The following RBM27 variants were observed in gnomAD, a reference collection of about 807,000 sequenced individuals.
RBM27 encodes RNA-binding protein 27.
In RBM27, 22 loss-of-function variants were observed where a neutral mutation model predicts 135.3. The observed-to-expected ratio is 0.16, with a 90% CI of 0.12 to 0.23. The LOEUF (loss-of-function observed/expected upper bound fraction) is 0.23. Ranked by LOEUF, RBM27 falls within the 10% of genes least tolerant of loss-of-function variation. The pLI, the probability that RBM27 is intolerant of heterozygous loss-of-function variation, is 1.00. For synonymous variants in RBM27, 481 were observed against 442.4 expected (o/e 1.09, Z -1.10); for missense variants, 1,009 against 1,281.0 (o/e 0.79, Z 3.24).
At chr5:146,221,769 A>C (rs1329385347) in intron 2 of RBM27, among the ~76,000 whole-genome samples, 2 of 151,952 alleles carry the variant, frequency 1.3e-5, no homozygotes, top group Non-Finnish European at 2.9e-5. Flanking sequence ...ATTAATTTAA[A>C]CTCAAATTTA....
intron 14 of RBM27, among the ~76,000 whole-genome samples, chr5:146,266,789 C>T (rs1758636452): frequency 6.6e-6 from 1 of 151,950 alleles, no homozygotes; most frequent in African/African-American, 2.4e-5. Context: ...GAAAAGAAAC[C>T]AGCTAGGCTT....
At chr5:146,255,861 C>CTT (rs554082895) in intron 10 of RBM27, among the ~76,000 whole-genome samples, 2 of 143,494 alleles carry the variant, frequency 1.4e-5, no homozygotes, top group Non-Finnish European at 1.5e-5. Flanking sequence ...TCTTCTTCTT[C>CTT]TTTTTTTTTT....
intron 7 of RBM27, among the ~76,000 whole-genome samples, chr5:146,236,669 G>T (rs1299141544): frequency 6.6e-6 from 1 of 151,958 alleles, no homozygotes; most frequent in East Asian, 1.9e-4. Context: ...TGTTGCCCAG[G>T]TTGGAGTGCA....
At chr5:146,206,693 G>T (rs1419813912) in intron 1 of RBM27, among the ~76,000 whole-genome samples, 16 of 152,022 alleles carry the variant, frequency 1.1e-4, no homozygotes, top group Admixed American at 1.1e-3. Flanking sequence ...CGATTCTCCT[G>T]CCCCAGCATC....
At chr5:146,272,936 C>T (rs1473212907) in intron 19 of RBM27, among the ~76,000 whole-genome samples, 2 of 152,056 alleles carry the variant, frequency 1.3e-5, no homozygotes, top group Non-Finnish European at 2.9e-5. Context: ...CCTTATTTGC[C>T]TTTTTTGTAA....
At chr5:146,273,919 A>T (rs1758977385) in intron 19 of RBM27, among the ~76,000 whole-genome samples, 1 of 152,258 alleles carries the variant, frequency 6.6e-6, no homozygotes, top group Non-Finnish European at 1.5e-5. Flanking sequence ...AAGTATGCTC[A>T]TTATAGTGCA....
At chr5:146,242,121 C>A (rs1237750913) in intron 8 of RBM27, among the ~76,000 whole-genome samples, 1 of 151,902 alleles carries the variant, frequency 6.6e-6, no homozygotes, top group African/African-American at 2.4e-5. Flanking sequence ...AAAAAAAAAT[C>A]TTTTGTATGT....
At chr5:146,271,847 C>CT (rs1474066907) in intron 19 of RBM27, among the ~76,000 whole-genome samples, 173 bp downstream of exon 19, 1 of 152,196 alleles carries the variant, frequency 6.6e-6, no homozygotes, top group African/African-American at 2.4e-5. Flanking sequence ...GCAGCTCTTG[C>CT]TTTTGATTCC....
chr5:146,237,537 G>T, intron 8 of RBM27, 105 bp downstream of exon 8: 2 of 1,278,914 alleles, frequency 1.6e-6, no homozygotes, highest in East Asian at 4.7e-5. Flanking sequence ...CTGTTCTTAT[G>T]GATTCTAAAA....
rs529570394 is a variant in RBM27, at chr5:146,289,060, A to G, written c.*3030A>G. 1 of 152,204 alleles carries G rather than the reference A, an allele frequency of 6.6e-6. No individual in the cohort carries two copies. The highest frequency in any genetic ancestry group is 1.9e-4 in the East Asian group (1 of 5,194). The allele number at this position is 152,204 out of a possible 1,614,324, so 9.4% of individuals were successfully genotyped here. A position where few individuals can be genotyped will look rare whatever the true frequency, so the allele number is the denominator to read the frequency against. On this transcript the variant is annotated 3_prime_UTR_variant, in exon 21 of 21. Transcript: ENST00000265271. Reference sequence around the variant, plus strand: ...CATATATGTAATGTTTGTTTTATCAATTACAATCTGAATTTCTAAGAAGCA... The same window carrying G: ...CATATATGTAATGTTTGTTTTATCAGTTACAATCTGAATTTCTAAGAAGCA...
At chr5:146,279,700 C>T (rs946185104) in intron 19 of RBM27, among the ~76,000 whole-genome samples, 7 of 150,064 alleles carry the variant, frequency 4.7e-5, no homozygotes, top group Non-Finnish European at 1.0e-4. Context: ...CGCAGCTACT[C>T]GGGAGCCTGA....
rs540670328 is a variant in RBM27 at position 146,214,673 on chromosome 5, CCATT to C, written c.60-4309_60-4306del. ...AACTTCCCAATGTATTTAAGTTTCA[CCATT>C]CAATTAGTGTGAATTATTCAATTAG... On this transcript the variant is annotated intron_variant, in intron 1 of 20. Transcript: ENST00000265271. Among the ~76,000 whole-genome samples the C allele has an allele frequency of 2.5e-3, 375 of 152,246 alleles. 3 individuals carry two copies. Among genetic ancestry groups the C allele is most frequent in the African/African-American group, 8.8e-3 (366 of 41,554 alleles).
intron 13 of RBM27, among the ~76,000 whole-genome samples, chr5:146,262,381 G>A (rs1718067078): frequency 6.6e-6 from 1 of 152,096 alleles, no homozygotes; most frequent in Admixed American, 6.5e-5. Flanking sequence ...AATGGGAATA[G>A]AAGCTCCAAG....
chr5:146,220,094 C>G (rs1049882962), intron 2 of RBM27, among the ~76,000 whole-genome samples: 1 of 152,126 alleles, frequency 6.6e-6, no homozygotes, highest in Non-Finnish European at 1.5e-5. Context: ...GCCTGGTTAT[C>G]TGTCTCTCTA....
At chr5:146,260,234 G>C (rs1237150805) in intron 11 of RBM27, among the ~76,000 whole-genome samples, 3 of 151,968 alleles carry the variant, frequency 2.0e-5, no homozygotes, top group Non-Finnish European at 4.4e-5. Context: ...GGGAGGTGGA[G>C]GTTGCAGTGG....
chr5:146,253,281 C>T (rs1757971852), intron 9 of RBM27, among the ~76,000 whole-genome samples: 1 of 152,144 alleles, frequency 6.6e-6, no homozygotes, highest in Non-Finnish European at 1.5e-5. Flanking sequence ...CAGGCGTGAG[C>T]CACTGCGCCC....
chr5:146,226,758 A>G (rs1252226832), intron 3 of RBM27, among the ~76,000 whole-genome samples: 1 of 152,198 alleles, frequency 6.6e-6, no homozygotes, highest in East Asian at 1.9e-4. Context: ...TGTAGATACA[A>G]TTTTGAGAAT....
chr5:146,247,336 A>G lies in RBM27; in HGVS notation c.1280-4375A>G, dbSNP rs113763658. Among the ~76,000 whole-genome samples, 1,182 of 152,274 alleles carry G rather than the reference A, an allele frequency of 7.8e-3. 10 individuals carry two copies. Among genetic ancestry groups the G allele is most frequent in the Non-Finnish European group, 8.5e-3 (576 of 68,018 alleles). ...CAAAATCCTACATACACACAGTACTATTATCACAGTCCCCCCCAAAATTTG... is the reference window on the plus strand; with the variant it reads ...CAAAATCCTACATACACACAGTACTGTTATCACAGTCCCCCCCAAAATTTG... On this transcript the variant is annotated intron_variant, in intron 8 of 20. Coordinates refer to ENST00000265271, the MANE Select transcript of RBM27 (RefSeq NM_018989.2).
chr5:146,285,886 A>G (rs980572304), intron 20 of RBM27, 61 bp from the exon 21 acceptor site: 1 of 1,348,826 alleles, frequency 7.4e-7, no homozygotes, highest in South Asian at 1.2e-5. Flanking sequence ...CCTTTGGCCT[A>G]AAAAGTATTT....
Sources: gnomAD v4.1 joint callset for allele counts (sites outside exome capture counted in the v4.1 genomes callset) on GRCh38, gnomAD v4.1.1 for gene constraint, MANE v1.5 for transcripts, NCBI Gene and HGNC (gene_info 2026-07-23, HGNC 2026-07-21) for gene names.